WDPCP: variants seen among roughly 807,000 people sequenced by gnomAD.
WDPCP encodes WD repeat-containing and planar cell polarity effector protein fritz homolog.
A neutral mutation model predicts 93.1 loss-of-function variants in WDPCP; 71 were observed. That is an observed-to-expected ratio of 0.76 (90% CI 0.63 to 0.93). The LOEUF (loss-of-function observed/expected upper bound fraction) is 0.93, where lower values mean the gene tolerates loss of function less well. Ranked by LOEUF, WDPCP falls within the 40% of genes least tolerant of loss-of-function variation. The pLI, the probability that WDPCP is intolerant of heterozygous loss-of-function variation, is 0.00. For missense variants in WDPCP, 844 were observed against 887.4 expected, an observed-to-expected ratio of 0.95 and a Z score of 0.62; for synonymous variants, 315 against 315.0, an observed-to-expected ratio of 1.00 and a Z score of 0.00.
chr2:63,341,513 G>C lies in WDPCP; in HGVS notation c.1749-28202C>G, dbSNP rs147050077. Among the ~76,000 whole-genome samples, 278 of 152,250 alleles carry C rather than the reference G, an allele frequency of 1.8e-3. 1 individual carries two copies. Among genetic ancestry groups the C allele is most frequent in the African/African-American group, 6.2e-3 (259 of 41,540 alleles). ...GTATATTCTGCTGTTGTGGGTAGTG[G>C]GTAGTGTATTCTGTTTATGTATCTA... On this transcript the variant is annotated intron_variant, in intron 12 of 17. Transcript: ENST00000272321.
At chr2:63,165,240 A>G (rs984600902) in intron 15 of WDPCP, among the ~76,000 whole-genome samples, 7 of 152,138 alleles carry the variant, frequency 4.6e-5, no homozygotes, top group African/African-American at 1.7e-4. Context: ...TTTCATCAGG[A>G]CTGGGAGCTG....
intron 12 of WDPCP, among the ~76,000 whole-genome samples, chr2:63,330,502 G>A (rs1282995678): frequency 6.6e-6 from 1 of 151,900 alleles, no homozygotes; most frequent in African/African-American, 2.4e-5. Flanking sequence ...TATATGGTTT[G>A]CAAATATTTT....
intron 14 of WDPCP, among the ~76,000 whole-genome samples, chr2:63,192,064 C>T (rs553750025): frequency 1.3e-5 from 2 of 152,278 alleles, no homozygotes; most frequent in South Asian, 4.1e-4. Flanking sequence ...TCCTTACCCC[C>T]CTTTAAATTT....
intron 17 of WDPCP, among the ~76,000 whole-genome samples, chr2:63,131,838 T>A (rs1194684961): frequency 2.0e-5 from 3 of 148,854 alleles, no homozygotes; most frequent in African/African-American, 7.4e-5. Flanking sequence ...GTATTCTTTT[T>A]TTTTTTTTTT....
intron 12 of WDPCP, among the ~76,000 whole-genome samples, chr2:63,338,730 T>C (rs1688634050): frequency 6.6e-6 from 1 of 151,054 alleles, no homozygotes; most frequent in South Asian, 2.1e-4. Flanking sequence ...TCTGTTCCAT[T>C]GGTTTATGTG....
chr2:63,677,799 G>T (rs1187292107), intron 2 of WDPCP, among the ~76,000 whole-genome samples: 1 of 152,120 alleles, frequency 6.6e-6, no homozygotes, highest in Non-Finnish European at 1.5e-5. Context: ...ATGAAAGAGT[G>T]TTCTCTAGCA....
At chr2:63,554,499 A>G (rs1168004179) in intron 1 of WDPCP, among the ~76,000 whole-genome samples, 1 of 152,098 alleles carries the variant, frequency 6.6e-6, no homozygotes, top group Admixed American at 6.6e-5. Flanking sequence ...TAAAAATACA[A>G]AAAATTAGCT....
chr2:63,546,661 C>A (rs1705173386), intron 1 of WDPCP, among the ~76,000 whole-genome samples: 1 of 152,138 alleles, frequency 6.6e-6, no homozygotes, highest in Admixed American at 6.5e-5. Context: ...ACAGCATAAG[C>A]AAACAAAGTT....
rs1205221880 is a variant in WDPCP at position 63,491,207 on chromosome 2, AC to A, written c.160+1648del. ...GTATTTTTCCTTAGGTCTCTGTTGT[AC>A]TTTTTTCCCCCCTTCCTACATTATC... On this transcript the variant is annotated intron_variant, in intron 2 of 17. Coordinates refer to ENST00000272321, the MANE Select transcript of WDPCP (RefSeq NM_015910.7). Among the ~76,000 whole-genome samples the A allele has an allele frequency of 3.3e-5, 5 of 152,110 alleles. No homozygotes were observed. In the East Asian group the frequency reaches 5.8e-4, roughly 18 times the overall value.
At chr2:63,240,857 C>T (rs1350250962) in intron 14 of WDPCP, among the ~76,000 whole-genome samples, 1 of 152,022 alleles carries the variant, frequency 6.6e-6, no homozygotes, top group Non-Finnish European at 1.5e-5. Context: ...CAGGAAAAGA[C>T]CACTACCTTT....
At chr2:63,651,648 G>A (rs1710110590) in intron 2 of WDPCP, among the ~76,000 whole-genome samples, 1 of 152,062 alleles carries the variant, frequency 6.6e-6, no homozygotes, top group Non-Finnish European at 1.5e-5. Flanking sequence ...TGCTCTTAAG[G>A]CCTTCAACTG....
intron 1 of WDPCP, among the ~76,000 whole-genome samples, chr2:63,510,487 C>A (rs1702162238): frequency 6.6e-6 from 1 of 152,146 alleles, no homozygotes; most frequent in African/African-American, 2.4e-5. Flanking sequence ...ACTGAATGGG[C>A]AAAAGCTGGA....
intron 1 of WDPCP, among the ~76,000 whole-genome samples, chr2:63,823,335 G>A (rs746837759): frequency 7.2e-5 from 11 of 151,840 alleles, no homozygotes; most frequent in South Asian, 6.2e-4. Context: ...GTGATACCCC[G>A]TCTCTACTAA....
chr2:63,575,726 A>G (rs1708068537), intron 1 of WDPCP, among the ~76,000 whole-genome samples: 1 of 151,118 alleles, frequency 6.6e-6, no homozygotes, highest in Non-Finnish European at 1.5e-5. Context: ...TATGATATAG[A>G]GACACATATA....
intron 9 of WDPCP, among the ~76,000 whole-genome samples, chr2:63,416,384 G>C (rs1359032797): frequency 1.3e-5 from 2 of 151,558 alleles, no homozygotes; most frequent in Non-Finnish European, 2.9e-5. Context: ...ATTTTTAATA[G>C]AGACAGGGTT....
intron 13 of WDPCP, among the ~76,000 whole-genome samples, chr2:63,296,720 T>C (rs1361809109): frequency 6.6e-6 from 1 of 152,084 alleles, no homozygotes; most frequent in Non-Finnish European, 1.5e-5. Flanking sequence ...AAATACCTAG[T>C]AGTATATTTA....
At chr2:63,577,161 A>C (rs977480355) in intron 1 of WDPCP, among the ~76,000 whole-genome samples, 3 of 152,198 alleles carry the variant, frequency 2.0e-5, no homozygotes, top group African/African-American at 7.2e-5. Flanking sequence ...TTCCAAAGTG[A>C]TATTTCCTGA....
At chr2:63,199,822 A>C (rs1232775613) in intron 14 of WDPCP, among the ~76,000 whole-genome samples, 1 of 152,204 alleles carries the variant, frequency 6.6e-6, no homozygotes, top group Non-Finnish European at 1.5e-5. Context: ...CCCAGACCCC[A>C]GAATGGTAGA....
upstream of WDPCP, among the ~76,000 whole-genome samples, chr2:63,829,575 G>T (rs935929077): frequency 3.9e-5 from 6 of 151,936 alleles, no homozygotes; most frequent in Admixed American, 3.3e-4. Flanking sequence ...CATTCTATTT[G>T]CTACTTTATT....
Sources: gnomAD v4.1 joint callset for allele counts (sites outside exome capture counted in the v4.1 genomes callset) on GRCh38, gnomAD v4.1.1 for gene constraint, MANE v1.5 for transcripts, NCBI Gene and HGNC (gene_info 2026-07-23, HGNC 2026-07-21) for gene names.